The following MCUB variants were observed in gnomAD, a reference collection of about 807,000 sequenced individuals.
MCUB encodes mitochondrial calcium uniporter dominant negative subunit beta.
A neutral mutation model predicts 41.4 loss-of-function variants in MCUB; 46 were observed. That is an observed-to-expected ratio of 1.11 (90% confidence interval 0.88 to 1.42). MCUB has a LOEUF of 1.42. Ranked by LOEUF, MCUB falls within the 40% of genes most tolerant of loss-of-function variation. MCUB has a pLI of 0.00. For synonymous variants in MCUB, 148 were observed against 148.2 expected (o/e 1.00, Z 0.01); for missense variants, 403 against 404.9 (o/e 1.00, Z 0.04).
At chr4:109,561,120 G>C (rs1208309401) in intron 1 of MCUB, 4 of 152,704 alleles carry the variant, frequency 2.6e-5, no homozygotes, top group African/African-American at 4.8e-5. Flanking sequence ...AGAAGAAGGG[G>C]AAAGCGCTGA....
At chr4:109,666,495 T>C (rs146045752) in intron 4 of MCUB, among the ~76,000 whole-genome samples, 6 of 152,306 alleles carry the variant, frequency 3.9e-5, no homozygotes, top group Admixed American at 2.0e-4. Flanking sequence ...ATTTTCACCA[T>C]TGTAGTAGGT....
At chr4:109,673,693 A>G (rs1489726816) in intron 4 of MCUB, 1 of 490,932 alleles carries the variant, frequency 2.0e-6, no homozygotes, top group Non-Finnish European at 3.6e-6. Flanking sequence ...TACATTGCAA[A>G]TGTGGATTTG....
chr4:109,601,843 C>T (rs760701840), intron 1 of MCUB, among the ~76,000 whole-genome samples: 14 of 152,166 alleles, frequency 9.2e-5, no homozygotes, highest in Non-Finnish European at 1.9e-4. Context: ...TATTAATTTA[C>T]ATTCCTGCCA....
rs1223661558 is a variant in MCUB at position 109,597,351 on chromosome 4, CGGGCGGGGGGCT to C, written c.99+36917_99+36928del. On this transcript the variant is annotated intron_variant, in intron 1 of 7. Coordinates refer to ENST00000394650, the MANE Select transcript of MCUB (RefSeq NM_017918.5). ...TCACCTCCCAGACGGGGCGGCTGGC[CGGGCGGGGGGCT>C]GACCCCCCCACCTCCCTCCCGGACG... 4.0e-5 allele frequency among the ~76,000 whole-genome samples: 6 copies of C among 150,120 alleles called. No homozygotes were observed. The South Asian group carries it at 8.4e-4, about 21-fold the overall frequency.
intron 5 of MCUB, 135 bp from the exon 6 acceptor site, chr4:109,684,308 C>T: frequency 3.4e-6 from 2 of 592,270 alleles, no homozygotes; most frequent in Non-Finnish European, 5.9e-6. Flanking sequence ...GTGATCCGCC[C>T]ACCTCGGCCT....
intron 1 of MCUB, among the ~76,000 whole-genome samples, chr4:109,639,002 A>G (rs1248940522): frequency 2.0e-5 from 3 of 152,210 alleles, no homozygotes; most frequent in Non-Finnish European, 2.9e-5. Context: ...CCTCAAAGTC[A>G]TCCGAGAGGG....
At chr4:109,626,196 C>G (rs1728356084) in intron 1 of MCUB, among the ~76,000 whole-genome samples, 1 of 152,158 alleles carries the variant, frequency 6.6e-6, no homozygotes, top group Non-Finnish European at 1.5e-5. Context: ...TTTTACAGTT[C>G]TCACCAATCC....
At chr4:109,606,377 A>G (rs991256626) in intron 1 of MCUB, among the ~76,000 whole-genome samples, 1 of 150,252 alleles carries the variant, frequency 6.7e-6, no homozygotes, top group African/African-American at 2.5e-5. Context: ...GTAAGGACCT[A>G]CTCCTGCCAT....
intron 1 of MCUB, among the ~76,000 whole-genome samples, chr4:109,587,104 G>A (rs1727326511): frequency 6.6e-6 from 1 of 152,230 alleles, no homozygotes; most frequent in Non-Finnish European, 1.5e-5. Flanking sequence ...GAGCTGCGGT[G>A]GGCTCTGCCC....
At chr4:109,622,025 G>C (rs1056287674) in intron 1 of MCUB, among the ~76,000 whole-genome samples, 1 of 152,076 alleles carries the variant, frequency 6.6e-6, no homozygotes, top group African/African-American at 2.4e-5. Flanking sequence ...GGGATTACAG[G>C]CACCCGCCAC....
chr4:109,675,960 G>T (rs1032837064), intron 4 of MCUB, among the ~76,000 whole-genome samples: 1 of 152,186 alleles, frequency 6.6e-6, no homozygotes, highest in African/African-American at 2.4e-5. Flanking sequence ...TTCCTAAGTT[G>T]CCCAGTCTGT....
chr4:109,655,854 T>C (rs1729083857), intron 1 of MCUB, among the ~76,000 whole-genome samples: 1 of 152,142 alleles, frequency 6.6e-6, no homozygotes, highest in Admixed American at 6.6e-5. Flanking sequence ...CTGGAGCTTA[T>C]TAAAAATGCA....
chr4:109,586,043 C>T (rs192810397), intron 1 of MCUB, among the ~76,000 whole-genome samples: 29 of 152,134 alleles, frequency 1.9e-4, no homozygotes, highest in East Asian at 1.2e-3. Flanking sequence ...AGAGTGTTTT[C>T]GTTTTCCAAC....
Position 109,575,438 on chromosome 4 carries a change from T to C in MCUB, c.99+15002T>C, listed in dbSNP as rs143313211. Among the ~76,000 whole-genome samples, 369 of 152,350 alleles carry C rather than the reference T, an allele frequency of 2.4e-3. 1 individual carries two copies. Among genetic ancestry groups the C allele is most frequent in the African/African-American group, 8.3e-3 (345 of 41,580 alleles). On this transcript the variant is annotated intron_variant, in intron 1 of 7. Coordinates refer to ENST00000394650, the MANE Select transcript of MCUB (RefSeq NM_017918.5). ...TCAAGTGTACTACTCATAACTGTTG[T>C]TCATTTGAGCTTAAGCTTGGCTGCT...
intron 4 of MCUB, among the ~76,000 whole-genome samples, chr4:109,670,075 T>C (rs1004679298): frequency 1.3e-5 from 2 of 152,238 alleles, no homozygotes; most frequent in Non-Finnish European, 2.9e-5. Context: ...TAGTAAGTCT[T>C]GTAATTTTAT....
chr4:109,571,306 T>A (rs565172381), intron 1 of MCUB, among the ~76,000 whole-genome samples: 72 of 103,896 alleles, frequency 6.9e-4, no homozygotes, highest in Non-Finnish European at 1.3e-3. Flanking sequence ...GATTAAACTT[T>A]ATTTATTTAT....
chr4:109,623,723 T>C (rs577095560), intron 1 of MCUB, among the ~76,000 whole-genome samples: 5 of 152,316 alleles, frequency 3.3e-5, no homozygotes, highest in Admixed American at 3.3e-4. Context: ...AAGCATTCGC[T>C]TCTTATTTAT....
intron 1 of MCUB, among the ~76,000 whole-genome samples, chr4:109,577,432 C>A (rs1255725121): frequency 6.6e-6 from 1 of 152,126 alleles, no homozygotes; most frequent in Non-Finnish European, 1.5e-5. Context: ...GTCCCCCTCA[C>A]TTCTGGGAGT....
At chr4:109,614,673 G>A (rs1044674012) in intron 1 of MCUB, among the ~76,000 whole-genome samples, 22 of 149,098 alleles carry the variant, frequency 1.5e-4, no homozygotes, top group African/African-American at 3.5e-4. Flanking sequence ...ACTCAAGGTC[G>A]TGCTTGTGGT....
Sources: gnomAD v4.1 joint callset for allele counts (sites outside exome capture counted in the v4.1 genomes callset) on GRCh38, gnomAD v4.1.1 for gene constraint, MANE v1.5 for transcripts, NCBI Gene and HGNC (gene_info 2026-07-23, HGNC 2026-07-21) for gene names.